Variants in NCOA7 observed in about 807,000 individuals in gnomAD.
NCOA7 encodes the protein nuclear receptor coactivator 7.
Under a neutral mutation model 104.3 loss-of-function variants are expected in NCOA7, and 45 were observed. The ratio of observed to expected loss-of-function variants is 0.43; its 90% confidence interval spans 0.34 to 0.55. The LOEUF is 0.55. Among genes scored for constraint, NCOA7 ranks in the 20% least tolerant of loss-of-function variants. NCOA7 has a pLI of 0.02. For missense variants in NCOA7, 1,041 were observed against 1,119.7 expected (o/e 0.93, Z 1.00); for synonymous variants, 398 against 402.3 (o/e 0.99, Z 0.13).
chr6:125,866,697 G>A (rs975797358), intron 3 of NCOA7, among the ~76,000 whole-genome samples: 2 of 152,100 alleles, frequency 1.3e-5, no homozygotes, highest in African/African-American at 2.4e-5. Context: ...TAAGTTACAT[G>A]ATATTTATGG....
At chr6:125,912,205 T>C (rs1420258679) in intron 10 of NCOA7, among the ~76,000 whole-genome samples, 3 of 152,144 alleles carry the variant, frequency 2.0e-5, no homozygotes, top group Admixed American at 1.3e-4. Context: ...CACCTGATTG[T>C]CACCTGGAGA....
chr6:125,823,620 A>T (rs1778396087), intron 2 of NCOA7, among the ~76,000 whole-genome samples: 1 of 152,200 alleles, frequency 6.6e-6, no homozygotes, highest in South Asian at 2.1e-4. Context: ...TTTATCTGCT[A>T]ATGTTTTCAG....
chr6:125,889,173 A>G lies in NCOA7; in HGVS notation c.1119A>G (p.Lys373=), dbSNP rs1562143191. 6.2e-7 allele frequency: 1 copy of G among 1,614,130 alleles called. No individual in the cohort carries two copies. The highest frequency in any genetic ancestry group is 1.7e-5 in the Admixed American group (1 of 60,014). The change falls in exon 9 of 16, where the codon AAA becomes AAG. Residue 373 remains lysine, a synonymous_variant. Coordinates refer to ENST00000392477, the MANE Select transcript of NCOA7 (RefSeq NM_181782.5). ...SGSSVSEKLK[K]LDSSRETSHG... ...GCTCTGTGTCAGAGAAATTAAAGAA[A>G]CTGGACTCCTCTAGGGAGACATCCC... is the stretch of plus-strand genomic sequence containing the variant.
At chr6:125,816,486 A>G (rs529665776) in intron 2 of NCOA7, among the ~76,000 whole-genome samples, 6 of 152,334 alleles carry the variant, frequency 3.9e-5, no homozygotes, top group Admixed American at 2.0e-4. Flanking sequence ...GGAATAGTAA[A>G]TCATGAATAA....
At chr6:125,783,267 T>C (rs1774308928) in intron 1 of NCOA7, among the ~76,000 whole-genome samples, 1 of 152,226 alleles carries the variant, frequency 6.6e-6, no homozygotes, top group Non-Finnish European at 1.5e-5. Context: ...AGCTACCTTT[T>C]ATAACTGTAA....
chr6:125,808,191 A>G (rs1404128711), intron 1 of NCOA7, among the ~76,000 whole-genome samples: 1 of 151,680 alleles, frequency 6.6e-6, no homozygotes, highest in Non-Finnish European at 1.5e-5. Flanking sequence ...TGGCTTGCAC[A>G]TCCTCATTCT....
At chr6:125,789,862 G>C (rs576250959), upstream of NCOA7, among the ~76,000 whole-genome samples, 45 of 152,354 alleles carry the variant, frequency 3.0e-4, no homozygotes, top group Non-Finnish European at 5.3e-4. Context: ...ACTGTTAACA[G>C]AGTAGTTGCA....
intron 5 of NCOA7, 38 bp downstream of exon 5, chr6:125,878,408 T>C (rs752103237): frequency 2.1e-6 from 3 of 1,458,032 alleles, no homozygotes; most frequent in African/African-American, 1.4e-5. Flanking sequence ...CTAGAAATTC[T>C]GCATTTATCT....
At chr6:125,827,025 C>T (rs1778715545) in intron 2 of NCOA7, among the ~76,000 whole-genome samples, 1 of 151,888 alleles carries the variant, frequency 6.6e-6, no homozygotes, top group South Asian at 2.1e-4. Flanking sequence ...TGGAGAAGCC[C>T]TGTCTCTACT....
intron 1 of NCOA7, among the ~76,000 whole-genome samples, chr6:125,806,270 G>A (rs189280757): frequency 2.0e-5 from 3 of 152,074 alleles, no homozygotes; most frequent in African/African-American, 4.8e-5. Flanking sequence ...GAACCCAGGA[G>A]GGGGGGATTA....
In NCOA7 at chr6:125,888,267, A is replaced by T. The variant is rs115911562; in HGVS notation, c.885-672A>T. ...ACTATACATAAGAGCTTTTTAGATA[A>T]GATTTACTTTTCTATACATTTTTAA... On this transcript the variant is annotated intron_variant, in intron 8 of 15. Transcript: ENST00000392477. Among the ~76,000 whole-genome samples, 470 of 152,342 alleles carry T rather than the reference A, an allele frequency of 3.1e-3. 3 individuals are homozygous for T. Among genetic ancestry groups the T allele is most frequent in the African/African-American group, 0.01 (429 of 41,580 alleles).
At position 125,889,029 on chromosome 6, in the gene NCOA7, C is replaced by T. The variant is rs1784438439; in HGVS notation, c.975C>T (p.Phe325=). ...AGGATATCAACCCATTCAGTAAGTT[C>T]AAATCTATCAACAAGGAAAAACGAC... The part of the protein sequence containing the change: ...SEKDINPFSK[F]KSINKEKRQQ... Residue 325 remains phenylalanine (F), a synonymous_variant, in exon 9 of 16, where the codon TTC becomes TTT. Transcript: ENST00000392477. 1 of 1,591,036 alleles carries T rather than the reference C, an allele frequency of 6.3e-7. No individual in the cohort carries two copies. Among genetic ancestry groups the T allele is most frequent in the Middle Eastern group, 1.7e-4 (1 of 5,972 alleles).
chr6:125,914,766 G>T (rs1786901714), intron 10 of NCOA7, among the ~76,000 whole-genome samples: 1 of 152,190 alleles, frequency 6.6e-6, no homozygotes, highest in South Asian at 2.1e-4. Context: ...TTCAGTAAAT[G>T]TGTATAAGAC....
At position 125,809,506 on chromosome 6, in the gene NCOA7, G is replaced by A. The variant is rs144697314; in HGVS notation, c.-64-5785G>A. Among the ~76,000 whole-genome samples, 573 of 152,282 alleles carry A rather than the reference G, an allele frequency of 3.8e-3. 4 individuals are homozygous for A. The highest frequency in any genetic ancestry group is 0.013 in the African/African-American group (554 of 41,542). On this transcript the variant is annotated intron_variant, in intron 1 of 15. Transcript: ENST00000392477. ...GTACCCTTGTAAGTTTGTGGCACAC[G>A]TTTGTATCTGGTTCTGCGTCCTTCC...
In NCOA7 at chr6:125,885,272, C is replaced by A. The variant is rs149187270; in HGVS notation, c.813C>A (p.Pro271=). 1 of 1,614,006 alleles carries A rather than the reference C, an allele frequency of 6.2e-7. No homozygotes were observed. The highest frequency in any genetic ancestry group is 8.5e-7 in the Non-Finnish European group (1 of 1,179,936). Residue 271 remains proline, a synonymous_variant, in exon 8 of 16, where the codon CCC becomes CCA. Transcript: ENST00000392477. ...NGCEEYGLIC[P]MEEVVSIALY... ...GTGAGGAGTATGGTCTCATCTGCCC[C>A]ATGGAAGAGGTTGTTTCCATTGCGC...
intron 3 of NCOA7, among the ~76,000 whole-genome samples, chr6:125,863,621 C>T (rs945142259): frequency 7.2e-6 from 1 of 137,938 alleles, no homozygotes; most frequent in Non-Finnish European, 1.5e-5. Context: ...GAAAAATACT[C>T]TAATTCTGTC....
intron 11 of NCOA7, chr6:125,919,497 T>C (rs1787383874): frequency 6.7e-7 from 1 of 1,493,074 alleles, no homozygotes; most frequent in Admixed American, 1.7e-5. Flanking sequence ...TACCTCCGAG[T>C]TTCTTTTGAA....
intron 2 of NCOA7, among the ~76,000 whole-genome samples, chr6:125,839,504 A>G (rs1424992619): frequency 1.3e-5 from 2 of 152,002 alleles, no homozygotes; most frequent in African/African-American, 2.4e-5. Flanking sequence ...CCAACCTTTT[A>G]ATCCTGGCTG....
At chr6:125,903,406 C>T (rs1785676383) in intron 10 of NCOA7, among the ~76,000 whole-genome samples, 1 of 152,122 alleles carries the variant, frequency 6.6e-6, no homozygotes, top group Non-Finnish European at 1.5e-5. Context: ...CTCTTCCTGG[C>T]CTTCCCTACT....
Sources: allele counts gnomAD v4.1 joint callset (sites outside exome capture counted in the v4.1 genomes callset), GRCh38; gene constraint gnomAD v4.1.1; transcripts MANE v1.5; gene names NCBI Gene and HGNC (gene_info 2026-07-23, HGNC 2026-07-21).